CACNA1G: variants seen among roughly 807,000 people sequenced by gnomAD.
The protein encoded by CACNA1G is calcium voltage-gated channel subunit alpha1 G.
CACNA1G carries 67 observed loss-of-function variants against 219.4 expected under a neutral mutation model. The observed-to-expected ratio is 0.31, with a 90% CI of 0.25 to 0.37. The LOEUF (loss-of-function observed/expected upper bound fraction) is 0.37, where lower values mean the gene tolerates loss of function less well. Among genes scored for constraint, CACNA1G ranks in the 10% least tolerant of loss-of-function variants. CACNA1G has a pLI of 1.00. For missense variants in CACNA1G, 2,380 were observed against 3,231.4 expected (o/e 0.74, Z 6.39); for synonymous variants, 1,296 against 1,345.3 (o/e 0.96, Z 0.80).
At chr17:50,595,108 G>C in intron 14 of CACNA1G, 47 bp downstream of exon 14, 1 of 1,428,508 alleles carries the variant, frequency 7.0e-7, no homozygotes, top group Non-Finnish European at 9.6e-7. Context: ...CCCCATGCCC[G>C]TGCCCCTCCA....
chr17:50,600,844 G>A lies in CACNA1G; in HGVS notation c.3791+18G>A. 6.3e-7 allele frequency: 1 copy of A among 1,597,358 alleles called. No homozygotes were observed. The highest frequency in any genetic ancestry group is 8.6e-7 in the Non-Finnish European group (1 of 1,164,894). On this transcript the variant is annotated intron_variant, in intron 18 of 37. Transcript: ENST00000359106. The surrounding 1 kb of genome is among the most constrained non-coding windows in gnomAD (Gnocchi z 4.1). Reference sequence around the variant, plus strand: ...CAGTCCAGGTAAGTGACAGGGCAGGGGTCTGACCTGTGTCCCGACCTCTTC... The same window carrying A: ...CAGTCCAGGTAAGTGACAGGGCAGGAGTCTGACCTGTGTCCCGACCTCTTC...
chr17:50,603,875 C>T lies in CACNA1G; in HGVS notation c.4170-280C>T, dbSNP rs117586445. 1.5e-3 allele frequency among the ~76,000 whole-genome samples: 227 copies of T among 152,314 alleles called. 4 individuals carry two copies. In the East Asian group the frequency reaches 0.035, roughly 24 times the overall value. ...CACTGCATCTCTAGGGAACGCCTCA[C>T]TTGAGTTGAATCCTCCCCACTCCCA... is the stretch of plus-strand genomic sequence containing the variant. On this transcript the variant is annotated intron_variant, in intron 21 of 37. Coordinates refer to ENST00000359106, the MANE Select transcript of CACNA1G (RefSeq NM_018896.5). The surrounding 1 kb of genome is among the most constrained non-coding windows in gnomAD (Gnocchi z 6.4).
intron 9 of CACNA1G, among the ~76,000 whole-genome samples, chr17:50,589,912 C>CTCTCTGTGTGTG (rs1326523232): frequency 7.1e-6 from 1 of 141,836 alleles, no homozygotes; most frequent in African/African-American, 2.8e-5. Context: ...CTCTCTCTCT[C>CTCTCTGTGTGTG]TGTGTGTGTG....
chr17:50,599,710 C>T lies in CACNA1G; in HGVS notation c.3541C>T (p.Pro1181Ser), dbSNP rs775937691. 3 of 1,613,442 alleles carry T rather than the reference C, an allele frequency of 1.9e-6. No homozygotes were observed. Among genetic ancestry groups the T allele is most frequent in the South Asian group, 2.2e-5 (2 of 91,002 alleles). Reference sequence around the variant, plus strand: ...TGACCTGCCAGACACACTGCAGGTGCCAGGGCTGCATCGCACTGCCAGTGG... The same window carrying T: ...TGACCTGCCAGACACACTGCAGGTGTCAGGGCTGCATCGCACTGCCAGTGG... Reference protein sequence around the residue: ...SFDLPDTLQVPGLHRTASGRG... With the variant: ...SFDLPDTLQVSGLHRTASGRG... The change falls in exon 17 of 38, where the codon CCA becomes TCA. Residue 1181 changes from proline (P) to serine (S), a missense_variant. Coordinates refer to ENST00000359106, the MANE Select transcript of CACNA1G (RefSeq NM_018896.5).
rs373234324 is a variant in CACNA1G at position 50,621,737 on chromosome 17, G to T, written c.6003G>T (p.Thr2001=). The change falls in exon 35 of 38, where the codon ACG becomes ACT. Residue 2001 remains threonine (T), a synonymous_variant. Transcript: ENST00000359106. This position sits in a 1 kb window ranked among gnomAD's most constrained non-coding sequence, Gnocchi z 4.6. ...AACCGTCCTGCTCTCTAGCTCTGACGGATGACTCTTTGCCTGATGACATGC... is the reference window on the plus strand; with the variant it reads ...AACCGTCCTGCTCTCTAGCTCTGACTGATGACTCTTTGCCTGATGACATGC... The part of the protein sequence containing the change: ...VSEPSCSLAL[T]DDSLPDDMHT... 8 of 1,613,726 alleles carry T rather than the reference G, an allele frequency of 5.0e-6. No homozygotes were observed. Among genetic ancestry groups the T allele is most frequent in the African/African-American group, 1.3e-5 (1 of 74,912 alleles).
At chr17:50,574,969 G>A (rs539895338) in intron 7 of CACNA1G, among the ~76,000 whole-genome samples, 16 of 152,222 alleles carry the variant, frequency 1.1e-4, no homozygotes, top group African/African-American at 3.9e-4. Context: ...CAAGGCCAAT[G>A]GTCCCTGTTT....
At position 50,626,612 on chromosome 17, in the gene CACNA1G, G is replaced by C; in HGVS notation, c.6995G>C (p.Arg2332Pro). 1 of 1,611,488 alleles carries C rather than the reference G, an allele frequency of 6.2e-7. No individual in the cohort carries two copies. The highest frequency in any genetic ancestry group is 8.5e-7 in the Non-Finnish European group (1 of 1,179,524). Residue 2332 changes from arginine (R) to proline (P), a missense_variant, in exon 38 of 38, where the codon CGG becomes CCG. Physicochemically the swap from Arg to Pro is moderately radical, Grantham distance 103 (BLOSUM62 -2). This residue lies in a region of CACNA1G where 672 missense variants were observed against 670.5 expected (regional missense o/e 1.00). Coordinates refer to ENST00000359106, the MANE Select transcript of CACNA1G (RefSeq NM_018896.5). The surrounding 1 kb of genome is among the most constrained non-coding windows in gnomAD (Gnocchi z 4.3). ...RTPPSPGICLRRRAPSSDSKD... is the reference protein window; with the variant it reads ...RTPPSPGICLPRRAPSSDSKD... ...CCGCCCAGCCCTGGTATCTGCCTCC[G>C]GAGGAGGGCTCCGTCCAGCGACTCC...
In CACNA1G at chr17:50,624,434, C is replaced by T. The variant is rs1444551529; in HGVS notation, c.6304C>T (p.Leu2102=). 3.2e-6 allele frequency: 5 copies of T among 1,580,770 alleles called. No individual in the cohort carries two copies. Among genetic ancestry groups the T allele is most frequent in the Admixed American group, 1.7e-5 (1 of 57,870 alleles). ...ILQLPKDAPH[L]LQPHSAPTWG... is the part of the protein sequence containing the mutation. ...GCAGCTTCCCAAAGATGCACCTCAT[C>T]TGCTCCAGCCCCACAGCGCCCCAAC... Residue 2102 remains leucine (L), a synonymous_variant, in exon 37 of 38, where the codon CTG becomes TTG. Transcript: ENST00000359106.
chr17:50,568,821 G>T, intron 1 of CACNA1G, 49 bp from the exon 2 acceptor site: 1 of 1,488,580 alleles, frequency 6.7e-7, no homozygotes, highest in Non-Finnish European at 9.4e-7. Context: ...GGGTCGGGGG[G>T]CCGGCCTCAG....
Position 50,571,873 on chromosome 17 carries a change from C to T in CACNA1G, c.587-5C>T, listed in dbSNP as rs1401587582. 1.4e-5 allele frequency: 23 copies of T among 1,613,396 alleles called. No homozygotes were observed. The highest frequency in any genetic ancestry group is 1.9e-5 in the Non-Finnish European group (22 of 1,179,782). On this transcript the variant is annotated splice_region_variant and splice_polypyrimidine_tract_variant and intron_variant, in intron 4 of 37. Coordinates refer to ENST00000359106, the MANE Select transcript of CACNA1G (RefSeq NM_018896.5). The surrounding 1 kb of genome is among the most constrained non-coding windows in gnomAD (Gnocchi z 4.3). ...GTGTCCCCAGCGTGGCTTCTGCCCCCACAGGCATGCGCATCCTTGTCACGT... is the reference window on the plus strand; with the variant it reads ...GTGTCCCCAGCGTGGCTTCTGCCCCTACAGGCATGCGCATCCTTGTCACGT...
chr17:50,620,746 T>C (rs562181605), intron 34 of CACNA1G, among the ~76,000 whole-genome samples: 1 of 152,318 alleles, frequency 6.6e-6, no homozygotes, highest in African/African-American at 2.4e-5. Flanking sequence ...GATCCTCATG[T>C]GGGAAGGGAC....
intron 25 of CACNA1G, among the ~76,000 whole-genome samples, chr17:50,609,334 C>T (rs562581549): frequency 2.6e-4 from 40 of 152,270 alleles, no homozygotes; most frequent in African/African-American, 8.4e-4. Flanking sequence ...GTGCCGTTCT[C>T]CACGTCCCCA....
rs191730256 is a variant in CACNA1G at position 50,618,455 on chromosome 17, C to A, written c.5427+112C>A. 7 of 1,406,490 alleles carry A rather than the reference C, an allele frequency of 5.0e-6. No individual in the cohort carries two copies. Among genetic ancestry groups the A allele is most frequent in the Non-Finnish European group, 5.9e-6 (6 of 1,015,402 alleles). 87.1% of individuals were successfully genotyped at this position (1,406,490 alleles called of 1,614,324 possible). The stretch of plus-strand genomic sequence containing the variant: ...TAAAAGCATGTGACCTTCTCTCCCC[C>A]GTGCTAGAACACTCTGGAACTCCCT... On this transcript the variant is annotated intron_variant, in intron 32 of 37. Coordinates refer to ENST00000359106, the MANE Select transcript of CACNA1G (RefSeq NM_018896.5). The surrounding 1 kb of genome is among the most constrained non-coding windows in gnomAD (Gnocchi z 5.3).
chr17:50,566,100 C>T (rs1416964625), intron 1 of CACNA1G, among the ~76,000 whole-genome samples: 1 of 152,168 alleles, frequency 6.6e-6, no homozygotes, highest in Non-Finnish European at 1.5e-5. Context: ...CTGTGGGTCT[C>T]CCTGATTCTC....
At chr17:50,595,460 C>T (rs570707072) in intron 14 of CACNA1G, among the ~76,000 whole-genome samples, 5 of 152,386 alleles carry the variant, frequency 3.3e-5, no homozygotes, top group East Asian at 1.9e-4. Context: ...AGACCATACT[C>T]CCCCATCTCC....
intron 26 of CACNA1G, among the ~76,000 whole-genome samples, chr17:50,611,533 A>C (rs2049209096): frequency 6.6e-6 from 1 of 152,154 alleles, no homozygotes; most frequent in Non-Finnish European, 1.5e-5. Context: ...TTTGGCATTG[A>C]GAGACTGCCT....
rs369755516 is a variant in CACNA1G at position 50,617,510 on chromosome 17, C to T, written c.5094C>T (p.Asn1698=). 2.5e-5 allele frequency: 41 copies of T among 1,614,030 alleles called. No homozygotes were observed. Among genetic ancestry groups the T allele is most frequent in the East Asian group, 4.5e-5 (2 of 44,894 alleles). Residue 1698 remains asparagine (N), a synonymous_variant, in exon 29 of 38, where the codon AAC becomes AAT. Coordinates refer to ENST00000359106, the MANE Select transcript of CACNA1G (RefSeq NM_018896.5). This position sits in a 1 kb window ranked among gnomAD's most constrained non-coding sequence, Gnocchi z 5.8. ...TCACGCTGGAGGAAATCGAGGTCAA[C>T]GCCTCGCTGCCCATCAACCCCACCA... ...MGITLEEIEV[N]ASLPINPTII... is the part of the protein sequence containing the mutation.
In CACNA1G at chr17:50,621,802, C is replaced by T. The variant is rs752464342; in HGVS notation, c.6060+8C>T. ...AGTGCCCTGGAGAGCAATGTACATA[C>T]ACACTGCCCTCACTGCTCCCGGCCA... On this transcript the variant is annotated splice_region_variant and intron_variant, in intron 35 of 37. Transcript: ENST00000359106. This position sits in a 1 kb window ranked among gnomAD's most constrained non-coding sequence, Gnocchi z 4.6. 16 of 1,613,256 alleles carry T rather than the reference C, an allele frequency of 9.9e-6. No homozygotes were observed. In the Admixed American group the frequency reaches 2.3e-4, roughly 24 times the overall value.
chr17:50,599,860 G>C lies in CACNA1G; in HGVS notation c.3690+1G>C, dbSNP rs910415526. ...TGACGCCGATGACGAGGGCAACCTGGTGAGGCCCCTGTGGGCACAGTGACC... is the reference window on the plus strand; with the variant it reads ...TGACGCCGATGACGAGGGCAACCTGCTGAGGCCCCTGTGGGCACAGTGACC... On this transcript the variant is annotated splice_donor_variant, in intron 17 of 37. Transcript: ENST00000359106. LOFTEE classifies it high-confidence loss of function. 1 of 1,604,078 alleles carries C rather than the reference G, an allele frequency of 6.2e-7. No individual in the cohort carries two copies. The highest frequency in any genetic ancestry group is 1.3e-5 in the African/African-American group (1 of 74,910).
Sources: gnomAD v4.1 joint callset for allele counts (sites outside exome capture counted in the v4.1 genomes callset) on GRCh38, gnomAD v4.1.1 for gene constraint, gnomAD v4.1.1 regional missense constraint, Gnocchi (gnomAD v3.1) non-coding constraint, MANE v1.5 for transcripts, NCBI Gene and HGNC (gene_info 2026-07-23, HGNC 2026-07-21) for gene names.